Variants in STPG2 observed in about 807,000 individuals in gnomAD.
STPG2 encodes sperm tail PG-rich repeat containing 2, also known as sperm-tail PG-rich repeat-containing protein 2.
STPG2 carries 56 observed loss-of-function variants against 54.2 expected under a neutral mutation model. The observed-to-expected ratio is 1.03, with a 90% CI of 0.83 to 1.29. The LOEUF (loss-of-function observed/expected upper bound fraction) is 1.29. Among genes scored for constraint, STPG2 ranks in the 50% most tolerant of loss-of-function variants. STPG2 has a pLI of 0.00. For missense variants in STPG2, 596 were observed against 544.9 expected (o/e 1.09, Z -0.93); for synonymous variants, 200 against 181.8 (o/e 1.10, Z -0.81).
intron 10 of STPG2, among the ~76,000 whole-genome samples, chr4:97,590,638 G>GACACACACACACACACAC (rs5860506): frequency 1.4e-5 from 2 of 138,620 alleles, no homozygotes; most frequent in East Asian, 2.2e-4. Context: ...CAGACACACA[G>GACACACACACACACACAC]ACACACACAC....
intron 9 of STPG2, among the ~76,000 whole-genome samples, chr4:97,785,326 A>C (rs1006611491): frequency 6.6e-6 from 1 of 152,034 alleles, no homozygotes; most frequent in Non-Finnish European, 1.5e-5. Context: ...ATAAAGATGT[A>C]CTAAGTCAAA....
rs186082515 is a variant in STPG2 at position 97,929,192 on chromosome 4, C to A, written c.1044+14705G>T. On this transcript the variant is annotated intron_variant, in intron 8 of 10. Coordinates refer to ENST00000295268, the MANE Select transcript of STPG2 (RefSeq NM_174952.3). ...ATAGCATCCAGCTCCATCCATGTTC[C>A]CACAAAGGCAGGATCTCATTTTTTT... 1.7e-4 allele frequency among the ~76,000 whole-genome samples: 26 copies of A among 152,252 alleles called. No individual in the cohort carries two copies. In the East Asian group the frequency reaches 5.0e-3, roughly 29 times the overall value.
At chr4:97,799,279 G>A (rs543793079) in intron 9 of STPG2, among the ~76,000 whole-genome samples, 10 of 152,318 alleles carry the variant, frequency 6.6e-5, no homozygotes, top group Admixed American at 2.0e-4. Flanking sequence ...TCCTAGCATC[G>A]ATGGTCTTTA....
chr4:97,900,080 A>G (rs529130019), intron 8 of STPG2, among the ~76,000 whole-genome samples: 1 of 152,336 alleles, frequency 6.6e-6, no homozygotes, highest in Non-Finnish European at 1.5e-5. Flanking sequence ...TTTACAACAG[A>G]AAAACAACCC....
At chr4:97,458,081 G>C (rs1438857686) in intron 4 of STPG2, among the ~76,000 whole-genome samples, 2 of 152,178 alleles carry the variant, frequency 1.3e-5, no homozygotes, top group African/African-American at 4.8e-5. Context: ...GTTCTTACTA[G>C]AGAGATGAAA....
rs1345895173 is a variant in STPG2, at chr4:97,840,861, C to A, written c.1116G>T (p.Met372Ile). The change falls in exon 9 of 11, where the codon ATG becomes ATT. Residue 372 changes from methionine (M) to isoleucine (I), a missense_variant. Transcript: ENST00000295268. ...YEMSQVKHKYMPPRSLVAKRK... is the reference protein window; with the variant it reads ...YEMSQVKHKYIPPRSLVAKRK... ...TTTTAGCCACTAAACTACGAGGTGGCATATATTTATGCTTAACTTGGGACA... is the reference window on the plus strand; with the variant it reads ...TTTTAGCCACTAAACTACGAGGTGGAATATATTTATGCTTAACTTGGGACA... The A allele has an allele frequency of 6.2e-7, 1 of 1,611,902 alleles. No homozygotes were observed. Among genetic ancestry groups the A allele is most frequent in the South Asian group, 1.1e-5 (1 of 91,008 alleles).
intron 7 of STPG2, among the ~76,000 whole-genome samples, chr4:97,956,332 G>T (rs1359125963): frequency 6.6e-6 from 1 of 151,960 alleles, no homozygotes; most frequent in African/African-American, 2.4e-5. Context: ...TAAAATATTT[G>T]ATTAATATTT....
At position 97,615,588 on chromosome 4, in the gene STPG2, A is replaced by G. The variant is rs534375154; in HGVS notation, c.1321-56471T>C. Among the ~76,000 whole-genome samples the G allele has an allele frequency of 1.3e-4, 20 of 152,142 alleles. No homozygotes were observed. In the South Asian group the frequency reaches 4.2e-3, roughly 32 times the overall value. Reference sequence around the variant, plus strand: ...CTACTGCATCTGGCTTAATCATAGTATTTTTAAAATCCCAAAACTTACCAT... The same window carrying G: ...CTACTGCATCTGGCTTAATCATAGTGTTTTTAAAATCCCAAAACTTACCAT... On this transcript the variant is annotated intron_variant, in intron 10 of 10. Transcript: ENST00000295268.
chr4:97,590,012 C>T (rs1042105559), intron 10 of STPG2, among the ~76,000 whole-genome samples: 1 of 152,098 alleles, frequency 6.6e-6, no homozygotes, highest in African/African-American at 2.4e-5. Context: ...GTTTGCTCAT[C>T]ATTAAGTGAT....
At chr4:97,905,999 C>T (rs1355030612) in intron 8 of STPG2, among the ~76,000 whole-genome samples, 1 of 151,882 alleles carries the variant, frequency 6.6e-6, no homozygotes, top group Non-Finnish European at 1.5e-5. Flanking sequence ...CAGCAGAAGG[C>T]AAGAAATAAC....
intron 10 of STPG2, among the ~76,000 whole-genome samples, chr4:97,667,085 G>A (rs1443894570): frequency 4.6e-5 from 7 of 152,182 alleles, no homozygotes; most frequent in Non-Finnish European, 1.0e-4. Flanking sequence ...GGTGGTGGTA[G>A]TTGTGGTAAA....
chr4:98,095,824 G>GAGATATTTACAGAACATTTC (rs1300234006), intron 5 of STPG2, among the ~76,000 whole-genome samples: 2 of 152,140 alleles, frequency 1.3e-5, no homozygotes, highest in Non-Finnish European at 2.9e-5. Context: ...AGTGGACCTA[G>GAGATATTTACAGAACATTTC]AGATATTTAC....
chr4:97,598,942 A>G (rs1026520977), intron 10 of STPG2, among the ~76,000 whole-genome samples: 4 of 152,214 alleles, frequency 2.6e-5, no homozygotes, highest in Non-Finnish European at 5.9e-5. Context: ...TGATTAAACT[A>G]AAGAGCTTCT....
chr4:97,695,864 A>T (rs1037564264), intron 10 of STPG2, among the ~76,000 whole-genome samples: 1 of 152,162 alleles, frequency 6.6e-6, no homozygotes, highest in African/African-American at 2.4e-5. Flanking sequence ...AGACATCACA[A>T]ATGGAAACAC....
chr4:97,975,622 C>A (rs1734472725), intron 6 of STPG2, among the ~76,000 whole-genome samples: 1 of 152,062 alleles, frequency 6.6e-6, no homozygotes, highest in South Asian at 2.1e-4. Flanking sequence ...TAGTGAGCAG[C>A]AATATCCATC....
intron 4 of STPG2, among the ~76,000 whole-genome samples, chr4:97,450,784 C>T (rs1434709190): frequency 6.6e-6 from 1 of 152,108 alleles, no homozygotes; most frequent in Non-Finnish European, 1.5e-5. Context: ...AAGTTTATTA[C>T]AAAGTTTTTA....
intron 10 of STPG2, among the ~76,000 whole-genome samples, chr4:97,703,314 AT>A (rs1723834900): frequency 6.6e-6 from 1 of 150,704 alleles, no homozygotes; most frequent in Non-Finnish European, 1.5e-5. Context: ...GATCCTTAAT[AT>A]TCTGTTCTTC....
intron 9 of STPG2, among the ~76,000 whole-genome samples, chr4:97,737,991 C>T (rs1294830962): frequency 6.6e-6 from 1 of 152,142 alleles, no homozygotes; most frequent in African/African-American, 2.4e-5. Flanking sequence ...AAGGGAAGCC[C>T]ATCAGGCTAA....
chr4:97,533,450 A>G (rs1312295165), intron 4 of STPG2, among the ~76,000 whole-genome samples: 3 of 152,072 alleles, frequency 2.0e-5, no homozygotes, highest in African/African-American at 7.2e-5. Context: ...TAGTTTATAT[A>G]TAATAAAATA....
Sources: gnomAD v4.1 joint callset for allele counts (sites outside exome capture counted in the v4.1 genomes callset) on GRCh38, gnomAD v4.1.1 for gene constraint, MANE v1.5 for transcripts, NCBI Gene and HGNC (gene_info 2026-07-23, HGNC 2026-07-21) for gene names.